Variants in BICDL1 observed in about 807,000 individuals in gnomAD.
BICDL1 encodes BICD family-like cargo adapter 1.
A neutral mutation model predicts 76.8 loss-of-function variants in BICDL1; 20 were observed. That is an observed-to-expected ratio of 0.26 (90% CI 0.18 to 0.38). BICDL1 has a LOEUF of 0.38. Ranked by LOEUF, BICDL1 falls within the 10% of genes least tolerant of loss-of-function variation. BICDL1 has a pLI of 1.00. For synonymous variants in BICDL1, 383 were observed against 337.1 expected, an observed-to-expected ratio of 1.14 and a Z score of -1.49; for missense variants, 700 against 798.6, an observed-to-expected ratio of 0.88 and a Z score of 1.49.
At chr12:120,049,166 T>A (rs961910039) in intron 2 of BICDL1, among the ~76,000 whole-genome samples, 6 of 152,174 alleles carry the variant, frequency 3.9e-5, no homozygotes, top group African/African-American at 1.4e-4. Flanking sequence ...CCCTCTGGAA[T>A]GCCAAGGAGC....
intron 2 of BICDL1, among the ~76,000 whole-genome samples, chr12:120,017,037 C>A (rs760998186): frequency 6.6e-6 from 1 of 152,154 alleles, no homozygotes. Context: ...GCTGGGACTA[C>A]AGGCACCCGC....
chr12:120,085,050 G>A (rs1230265723), intron 8 of BICDL1, among the ~76,000 whole-genome samples: 1 of 152,062 alleles, frequency 6.6e-6, no homozygotes. Flanking sequence ...GTGTCTGTCA[G>A]TTTCTAGTTC....
At chr12:120,057,402 C>CTTCTTCAAAGG (rs1288140909) in intron 2 of BICDL1, among the ~76,000 whole-genome samples, 16 of 152,334 alleles carry the variant, frequency 1.1e-4, no homozygotes, top group Non-Finnish European at 1.8e-4. Flanking sequence ...AACTCTCCCA[C>CTTCTTCAAAGG]TTCTTCAAAG....
intron 8 of BICDL1, among the ~76,000 whole-genome samples, chr12:120,081,272 A>G (rs985045643): frequency 1.4e-5 from 2 of 144,994 alleles, no homozygotes; most frequent in Non-Finnish European, 3.0e-5. Context: ...CAATGTAGTT[A>G]TTATGTGTTT....
chr12:120,077,858 C>T (rs1873679749), intron 7 of BICDL1, among the ~76,000 whole-genome samples: 3 of 151,782 alleles, frequency 2.0e-5, no homozygotes, highest in Non-Finnish European at 4.4e-5. Flanking sequence ...AGTGGGACGC[C>T]CCTTACAAGT....
chr12:120,090,699 G>C (rs891206237), intron 9 of BICDL1: 6 of 370,136 alleles, frequency 1.6e-5, no homozygotes, highest in South Asian at 1.2e-4. Context: ...TTCTCATCCA[G>C]ACAGATGAAA....
At chr12:120,068,849 T>C (rs1872866798) in intron 4 of BICDL1, among the ~76,000 whole-genome samples, 4 of 152,128 alleles carry the variant, frequency 2.6e-5, no homozygotes, top group South Asian at 4.1e-4. Context: ...CATCCCCTTA[T>C]ATTCAGCAGT....
intron 2 of BICDL1, among the ~76,000 whole-genome samples, chr12:120,054,018 T>TAA (rs149649197): frequency 9.4e-5 from 14 of 149,236 alleles, no homozygotes; most frequent in Non-Finnish European, 1.2e-4. Flanking sequence ...ACTAAAAATA[T>TAA]AAAAAAAATA....
At chr12:119,998,465 AAAT>A (rs1253147859) in intron 1 of BICDL1, 53 bp from the exon 2 acceptor site, 1 of 1,489,088 alleles carries the variant, frequency 6.7e-7, no homozygotes, top group Admixed American at 2.3e-5. Context: ...CGGAGAGAAA[AAAT>A]AAAAGGCTGT....
chr12:120,032,795 T>C (rs1952450256), intron 2 of BICDL1, among the ~76,000 whole-genome samples: 2 of 147,520 alleles, frequency 1.4e-5, no homozygotes, highest in South Asian at 2.1e-4. Flanking sequence ...TCACCCAGGC[T>C]GGAGTCAGTG....
At chr12:120,083,629 G>GTATTTATTTATTTATT (rs10566467) in intron 8 of BICDL1, among the ~76,000 whole-genome samples, 2 of 145,124 alleles carry the variant, frequency 1.4e-5, no homozygotes, top group African/African-American at 5.2e-5. Flanking sequence ...ATTAATAGTA[G>GTATTTATTTATTTATT]TATTTATTTA....
chr12:120,076,134 G>A (rs922597608), intron 7 of BICDL1, among the ~76,000 whole-genome samples: 14 of 152,222 alleles, frequency 9.2e-5, no homozygotes, highest in African/African-American at 3.1e-4. Flanking sequence ...ACTTGAGCCT[G>A]GATGACAGAG....
chr12:120,062,866 G>A (rs1427685848), intron 3 of BICDL1, among the ~76,000 whole-genome samples: 1 of 152,070 alleles, frequency 6.6e-6, no homozygotes, highest in Non-Finnish European at 1.5e-5. Context: ...ACTCCTTCAC[G>A]TTTCCTGTCT....
At chr12:120,008,464 T>G (rs1266153784) in intron 2 of BICDL1, among the ~76,000 whole-genome samples, 1 of 152,176 alleles carries the variant, frequency 6.6e-6, no homozygotes, top group African/African-American at 2.4e-5. Flanking sequence ...CAGCCAATAG[T>G]TACTCTTTAT....
rs572871178 is a variant in BICDL1, at chr12:120,094,304, C to T, written c.*1143C>T. On this transcript the variant is annotated 3_prime_UTR_variant, in exon 10 of 10. Coordinates refer to ENST00000548673, the MANE Select transcript of BICDL1 (RefSeq NM_001367886.1). The stretch of plus-strand genomic sequence containing the variant: ...GTGGGGAAAGCACAGCAGGGATGCG[C>T]GGCAAGAATGTACCTGTAGATGTGT... 4 of 456,736 alleles carry T rather than the reference C, an allele frequency of 8.8e-6. No homozygotes were observed. The highest frequency in any genetic ancestry group is 1.5e-5 in the South Asian group (1 of 64,572). 28.3% of individuals were successfully genotyped at this position (456,736 alleles called of 1,614,324 possible).
chr12:120,026,060 A>G (rs1473338581), intron 2 of BICDL1, among the ~76,000 whole-genome samples: 1 of 151,796 alleles, frequency 6.6e-6, no homozygotes, highest in Non-Finnish European at 1.5e-5. Flanking sequence ...CTGGTCTCGA[A>G]CTCCTGGCCT....
chr12:120,003,469 C>T (rs765832382), intron 2 of BICDL1, among the ~76,000 whole-genome samples: 1 of 152,182 alleles, frequency 6.6e-6, no homozygotes, highest in Non-Finnish European at 1.5e-5. Context: ...CACTACCCCT[C>T]CATGTACTCT....
At chr12:120,001,360 C>T (rs1304750008) in intron 2 of BICDL1, among the ~76,000 whole-genome samples, 1 of 152,114 alleles carries the variant, frequency 6.6e-6, no homozygotes. Context: ...CATTCTCTTG[C>T]CTCAGCCTCC....
chr12:120,068,076 G>C (rs1209440044), intron 4 of BICDL1, among the ~76,000 whole-genome samples: 1 of 152,168 alleles, frequency 6.6e-6, no homozygotes, highest in Non-Finnish European at 1.5e-5. Context: ...TGAAGGTGAG[G>C]CTCCCAGGTC....
Sources: allele counts gnomAD v4.1 joint callset (sites outside exome capture counted in the v4.1 genomes callset), GRCh38; gene constraint gnomAD v4.1.1; transcripts MANE v1.5; gene names NCBI Gene and HGNC (gene_info 2026-07-23, HGNC 2026-07-21).